The following MTMR7 variants were observed in gnomAD, a reference collection of about 807,000 sequenced individuals.
MTMR7 encodes the protein myotubularin related protein 7, also known as phosphatidylinositol-3-phosphate phosphatase MTMR7.
Under a neutral mutation model 81.2 loss-of-function variants are expected in MTMR7, and 76 were observed. That is an observed-to-expected ratio of 0.94 (90% confidence interval 0.78 to 1.13). MTMR7 has a LOEUF of 1.13. Ranked by LOEUF, MTMR7 falls within the 50% of genes most tolerant of loss-of-function variation. The pLI, the probability that MTMR7 is intolerant of heterozygous loss-of-function variation, is 0.00. For missense variants in MTMR7, 1,044 were observed against 820.0 expected (o/e 1.27, Z -3.34); for synonymous variants, 372 against 289.8 (o/e 1.28, Z -2.88).
chr8:17,397,101 G>A (rs1195126254), intron 1 of MTMR7, among the ~76,000 whole-genome samples: 1 of 152,048 alleles, frequency 6.6e-6, no homozygotes, highest in Non-Finnish European at 1.5e-5. Context: ...GGCCTTGGGT[G>A]AGACTGAGGC....
chr8:17,335,359 G>C (rs994877824), intron 6 of MTMR7, among the ~76,000 whole-genome samples: 1 of 152,174 alleles, frequency 6.6e-6, no homozygotes, highest in Non-Finnish European at 1.5e-5. Flanking sequence ...GGCCCGGGGA[G>C]AGCAGGCCAA....
chr8:17,364,334 A>G (rs1173023660), intron 3 of MTMR7, among the ~76,000 whole-genome samples: 1 of 152,102 alleles, frequency 6.6e-6, no homozygotes, highest in African/African-American at 2.4e-5. Context: ...CGCCCGGTCA[A>G]AAAGTGATGT....
intron 4 of MTMR7, 42 bp downstream of exon 4, chr8:17,361,075 C>T (rs773032775): frequency 1.2e-6 from 2 of 1,609,364 alleles, no homozygotes; most frequent in East Asian, 4.5e-5. Context: ...GGCTGAAACC[C>T]TAATTTCATG....
At chr8:17,388,508 AAGCAATAC>A (rs1212952008) in intron 1 of MTMR7, among the ~76,000 whole-genome samples, 6 of 152,218 alleles carry the variant, frequency 3.9e-5, no homozygotes, top group Admixed American at 1.3e-4. Flanking sequence ...CCTTGCTTTG[AAGCAATAC>A]AGGAAGTCAG....
In MTMR7 at chr8:17,331,221, T is replaced by C. The variant is rs770595560; in HGVS notation, c.794A>G (p.Asn265Ser). 5.6e-6 allele frequency: 9 copies of C among 1,612,568 alleles called. No homozygotes were observed. The highest frequency in any genetic ancestry group is 7.6e-6 in the Non-Finnish European group (9 of 1,179,596). ...TATCCCGATAAACTGAAACTTGATA[T>C]TGGAATAATTGTCTTCATTCTCATA... ...KGYENEDNYS[N>S]IKFQFIGIEN... Residue 265 changes from asparagine (N) to serine (S), a missense_variant, in exon 7 of 14, where the codon AAT becomes AGT. Transcript: ENST00000180173.
chr8:17,406,187 A>G lies in MTMR7; in HGVS notation c.24+7082T>C, dbSNP rs528305406. Among the ~76,000 whole-genome samples, 4 of 152,324 alleles carry G rather than the reference A, an allele frequency of 2.6e-5. No individual in the cohort carries two copies. In the South Asian group the frequency reaches 8.3e-4, roughly 32 times the overall value. Reference sequence around the variant, plus strand: ...AAAATTCAAAACTTCTTGTGCTTCAAGAGACATCAAAACAGTGAAAAGAAA... The same window carrying G: ...AAAATTCAAAACTTCTTGTGCTTCAGGAGACATCAAAACAGTGAAAAGAAA... On this transcript the variant is annotated intron_variant, in intron 1 of 13. Transcript: ENST00000180173.
chr8:17,371,129 C>T lies in MTMR7; in HGVS notation c.218G>A (p.Arg73His), dbSNP rs1348915066. ...CTGTATTATCTGAAAGTTCTTGCAG[C>T]GAATCAGCAGAGGGCATCCGGTAGC... ...TTATGCPLLIRCKNFQIIQLI... is the reference protein window; with the variant it reads ...TTATGCPLLIHCKNFQIIQLI... Residue 73 changes from arginine to histidine, a missense_variant, in exon 3 of 14, where the codon CGC becomes CAC. By Grantham distance (29) the Arg-to-His change is conservative (BLOSUM62 0). Coordinates refer to ENST00000180173, the MANE Select transcript of MTMR7 (RefSeq NM_004686.5). 9 of 1,614,034 alleles carry T rather than the reference C, an allele frequency of 5.6e-6. No homozygotes were observed. Among genetic ancestry groups the T allele is most frequent in the Non-Finnish European group, 6.8e-6 (8 of 1,180,022 alleles).
intron 7 of MTMR7, among the ~76,000 whole-genome samples, chr8:17,324,701 A>T (rs904047695): frequency 3.9e-5 from 6 of 152,226 alleles, no homozygotes; most frequent in Admixed American, 3.9e-4. Flanking sequence ...TAGGCCATAC[A>T]AACTGCTATT....
At chr8:17,358,707 A>T (rs962208071) in intron 4 of MTMR7, among the ~76,000 whole-genome samples, 3 of 152,162 alleles carry the variant, frequency 2.0e-5, no homozygotes, top group African/African-American at 7.2e-5. Context: ...ACAAATACTG[A>T]TCAAAAACAA....
intron 4 of MTMR7, among the ~76,000 whole-genome samples, chr8:17,355,475 T>C (rs1047200240): frequency 6.6e-6 from 1 of 151,968 alleles, no homozygotes; most frequent in Non-Finnish European, 1.5e-5. Context: ...ATCAAGATTA[T>C]AAAGCCATAA....
rs116460142 is a variant in MTMR7 at position 17,371,257 on chromosome 8, G to C, written c.148-58C>G. ...CACAAATAACTAATGAATACGACAA[G>C]GACTAACATTTCTTTGTGGCTCAAA... On this transcript the variant is annotated intron_variant, in intron 2 of 13. Coordinates refer to ENST00000180173, the MANE Select transcript of MTMR7 (RefSeq NM_004686.5). 1.2e-3 allele frequency: 1,811 copies of C among 1,532,466 alleles called. 19 individuals carry two copies. The African/African-American group carries it at 0.022, about 19-fold the overall frequency. The allele number at this position is 1,532,466 out of a possible 1,614,324, so 94.9% of individuals were successfully genotyped here.
chr8:17,348,807 C>G, intron 5 of MTMR7, 146 bp downstream of exon 5: 4 of 901,398 alleles, frequency 4.4e-6, no homozygotes, highest in Non-Finnish European at 6.9e-6. Context: ...ATAGTTGTAT[C>G]ATGTCATACC....
At chr8:17,369,641 C>CTTTTTTTTTTTTTTTTTTT (rs71212689) in intron 3 of MTMR7, among the ~76,000 whole-genome samples, 1 of 106,248 alleles carries the variant, frequency 9.4e-6, no homozygotes, top group Non-Finnish European at 1.9e-5. Flanking sequence ...TTCTTTTTTT[C>CTTTTTTTTTTTTTTTTTTT]TTTTTTTTTT....
chr8:17,368,883 T>C (rs1326498679), intron 3 of MTMR7, among the ~76,000 whole-genome samples: 1 of 152,236 alleles, frequency 6.6e-6, no homozygotes, highest in Non-Finnish European at 1.5e-5. Flanking sequence ...GATCTCTGTC[T>C]ACATCTAATA....
intron 11 of MTMR7, among the ~76,000 whole-genome samples, chr8:17,305,284 T>G (rs1817378197): frequency 6.6e-6 from 1 of 152,234 alleles, no homozygotes; most frequent in Non-Finnish European, 1.5e-5. Flanking sequence ...CACTTTGTTG[T>G]AAGTTTTTTA....
intron 1 of MTMR7, among the ~76,000 whole-genome samples, chr8:17,386,007 A>T (rs1820928451): frequency 6.6e-6 from 1 of 152,216 alleles, no homozygotes; most frequent in South Asian, 2.1e-4. Flanking sequence ...CATCAATTTA[A>T]GCCCTTTTAA....
chr8:17,333,553 T>C (rs1819121920), intron 6 of MTMR7, among the ~76,000 whole-genome samples: 1 of 152,010 alleles, frequency 6.6e-6, no homozygotes, highest in African/African-American at 2.4e-5. Context: ...TTAAAAAGCA[T>C]AAGAAAGAAA....
At chr8:17,310,240 A>G (rs1004060514) in intron 9 of MTMR7, among the ~76,000 whole-genome samples, 1 of 151,992 alleles carries the variant, frequency 6.6e-6, no homozygotes, top group African/African-American at 2.4e-5. Flanking sequence ...GGCTCCAGCA[A>G]GCCTCCCTCC....
At chr8:17,358,575 C>T (rs1292133929) in intron 4 of MTMR7, among the ~76,000 whole-genome samples, 1 of 152,092 alleles carries the variant, frequency 6.6e-6, no homozygotes, top group Non-Finnish European at 1.5e-5. Flanking sequence ...TTTTTCCAGA[C>T]TCAAAATACT....
Sources: gnomAD v4.1 joint callset for allele counts (sites outside exome capture counted in the v4.1 genomes callset) on GRCh38, gnomAD v4.1.1 for gene constraint, MANE v1.5 for transcripts, NCBI Gene and HGNC (gene_info 2026-07-23, HGNC 2026-07-21) for gene names.